The following MICAL1 variants were observed in gnomAD, a reference collection of about 807,000 sequenced individuals.
MICAL1 encodes the protein microtubule associated monooxygenase, calponin and LIM domain containing 1.
In MICAL1, 95 loss-of-function variants were observed where a neutral mutation model predicts 131.8. That is an observed-to-expected ratio of 0.72 (90% CI 0.61 to 0.86). MICAL1 has a LOEUF of 0.86. Among genes scored for constraint, MICAL1 ranks in the 40% least tolerant of loss-of-function variants. The probability of loss-of-function intolerance (pLI) is 0.00; values close to 1 mark genes in which losing one functional copy is unlikely to be tolerated. For missense variants in MICAL1, 1,292 were observed against 1,380.6 expected (o/e 0.94, Z 1.02); for synonymous variants, 546 against 554.2 (o/e 0.99, Z 0.21).
Position 109,445,197 on chromosome 6 carries a change from T to G in MICAL1, c.2881A>C (p.Ser961Arg), listed in dbSNP as rs749494104. ...KLELALRRQS[S>R]SPEQQKKLWV... ...AGGGGTGTCCTAGCTTGTCACTCAC[T>G]GCTCTGGCGCCTCAAGGCCAGCTCC... The change falls in exon 22 of 25, where the codon AGT becomes CGT. Residue 961 changes from serine to arginine, a missense_variant and splice_region_variant. Ser to Arg is a moderately radical substitution (Grantham distance 110). Coordinates refer to ENST00000358807, the MANE Select transcript of MICAL1 (RefSeq NM_022765.4). The G allele has an allele frequency of 1.4e-5, 22 of 1,613,082 alleles. No individual in the cohort carries two copies. The Admixed American group carries it at 3.7e-4, about 27-fold the overall frequency.
rs377004839 is a variant in MICAL1, at chr6:109,448,097, GACACAC to G, written c.1855+100_1855+105del. On this transcript the variant is annotated intron_variant, in intron 13 of 24. Transcript: ENST00000358807. ...CAGAGGGCGCCTTCTTCCTCTTTCT[GACACAC>G]ACACACACACACACCGCCTTCTCCC... 14 of 1,130,194 alleles carry G rather than the reference GACACAC, an allele frequency of 1.2e-5. 1 individual carries two copies. The highest frequency in any genetic ancestry group is 5.0e-5 in the Admixed American group (2 of 40,178). 70.0% of individuals were successfully genotyped at this position (1,130,194 alleles called of 1,614,324 possible). A position where few individuals can be genotyped will look rare whatever the true frequency, so the allele number is the denominator to read the frequency against.
At chr6:109,459,868 G>A (rs886170076), upstream of MICAL1, among the ~76,000 whole-genome samples, 6 of 152,148 alleles carry the variant, frequency 3.9e-5, no homozygotes, top group East Asian at 1.2e-3. Context: ...TTTTAACTCT[G>A]ATTTAGTCTA....
Position 109,447,922 on chromosome 6 carries a change from A to C in MICAL1, c.1897T>G (p.Leu633Val). ...GTCCTCTGAAGTTTACTAAGGAATA[A>C]TACAGCACTGGAGGTCCCTGGGGAG... The part of the protein sequence containing the change: ...QASPGTSSAV[L>V]FLSKLQRTLQ... The change falls in exon 14 of 25, where the codon TTA becomes GTA. Residue 633 changes from leucine (L) to valine (V), a missense_variant. Transcript: ENST00000358807. 6.2e-7 allele frequency: 1 copy of C among 1,613,086 alleles called. No individual in the cohort carries two copies. The highest frequency in any genetic ancestry group is 1.7e-5 in the Admixed American group (1 of 59,928).
chr6:109,455,867 A>C (rs908374145), upstream of MICAL1: 2 of 985,298 alleles, frequency 2.0e-6, no homozygotes, highest in Admixed American at 6.2e-5. This position sits in a 1 kb window ranked among gnomAD's most constrained non-coding sequence, Gnocchi z 4.7. Context: ...GTGCGCCTGG[A>C]GTCGCGCGGA....
At position 109,453,620 on chromosome 6, in the gene MICAL1, C is replaced by A; in HGVS notation, c.466+18G>T. On this transcript the variant is annotated intron_variant, in intron 3 of 24. Coordinates refer to ENST00000358807, the MANE Select transcript of MICAL1 (RefSeq NM_022765.4). ...GCCCAAGCTCACCCGCCCCTCCAGG[C>A]CACCACGTGGTGCTCACTGATGTGG... 6.3e-7 allele frequency: 1 copy of A among 1,575,308 alleles called. No homozygotes were observed. Among genetic ancestry groups the A allele is most frequent in the Non-Finnish European group, 8.6e-7 (1 of 1,160,178 alleles).
At chr6:109,458,782 G>GT (rs1161209532), upstream of MICAL1, among the ~76,000 whole-genome samples, 1 of 152,122 alleles carries the variant, frequency 6.6e-6, no homozygotes, top group African/African-American at 2.4e-5. Flanking sequence ...TAGGTGGCAT[G>GT]TTTAAGTCAC....
rs752133056 is a variant in MICAL1 at position 109,453,258 on chromosome 6, C to T, written c.571+5G>A. 3.1e-6 allele frequency: 5 copies of T among 1,611,550 alleles called. No individual in the cohort carries two copies. The highest frequency in any genetic ancestry group is 2.2e-5 in the South Asian group (2 of 91,040). Reference sequence around the variant, plus strand: ...GGAGATTCCAGGGAGCATAGAAATACTTACCCTTCCTAGGAGGGGGCTGGA... The same window carrying T: ...GGAGATTCCAGGGAGCATAGAAATATTTACCCTTCCTAGGAGGGGGCTGGA... On this transcript the variant is annotated splice_donor_5th_base_variant and intron_variant, in intron 4 of 24. Coordinates refer to ENST00000358807, the MANE Select transcript of MICAL1 (RefSeq NM_022765.4).
Position 109,444,313 on chromosome 6 carries a change from G to A in MICAL1, c.3082C>T (p.Gln1028Ter). The change falls in exon 25 of 25, where the codon CAG becomes TAG. Residue 1028 changes from glutamine to a stop codon, truncating the protein, a stop_gained. Coordinates refer to ENST00000358807, the MANE Select transcript of MICAL1 (RefSeq NM_022765.4). LOFTEE classifies it high-confidence loss of function. ...TTCCTCAGGACCTGGTCCTCAGCCT[G>A]CCGATCAGCAGCTGTCTTTAGGTTT... ...EENLKTAADR[Q>*]AEDQVLRKLV... 6.2e-7 allele frequency: 1 copy of A among 1,613,614 alleles called. No individual in the cohort carries two copies. The highest frequency in any genetic ancestry group is 8.5e-7 in the Non-Finnish European group (1 of 1,180,026).
chr6:109,447,449 G>GT lies in MICAL1; in HGVS notation c.1987-10dup, dbSNP rs762810639. The GT allele has an allele frequency of 3.8e-5, 61 of 1,609,940 alleles. No homozygotes were observed. Among genetic ancestry groups the GT allele is most frequent in the Non-Finnish European group, 4.9e-5 (58 of 1,177,792 alleles). On this transcript the variant is annotated splice_polypyrimidine_tract_variant and intron_variant, in intron 15 of 24. Transcript: ENST00000358807. ...GGGGTCTCGGCCTCCATCTAAGGAGGTAAGTGCTCAGGCAGGGAGGGTAGA... is the reference window on the plus strand; with the variant it reads ...GGGGTCTCGGCCTCCATCTAAGGAGGTTAAGTGCTCAGGCAGGGAGGGTAGA...
intron 1 of MICAL1, among the ~76,000 whole-genome samples, chr6:109,460,792 A>T (rs1254799528): frequency 1.3e-5 from 2 of 152,164 alleles, no homozygotes; most frequent in Non-Finnish European, 1.5e-5. Context: ...TGAAAATGAA[A>T]TTTTACCTTA....
intron 4 of MICAL1, 100 bp from the exon 5 acceptor site, chr6:109,452,715 C>T (rs1292745736): frequency 2.4e-6 from 2 of 843,172 alleles, no homozygotes; most frequent in East Asian, 5.4e-5. Flanking sequence ...GTAAAGGACT[C>T]TCTGGTTTAG....
chr6:109,453,462 C>G, intron 3 of MICAL1, 95 bp from the exon 4 acceptor site: 1 of 1,511,406 alleles, frequency 6.6e-7, no homozygotes, highest in Non-Finnish European at 9.0e-7. Context: ...CTGGAAAAGG[C>G]CTTAGCAATC....
chr6:109,464,265 A>G (rs1379402508), intron 1 of MICAL1: 1 of 152,226 alleles, frequency 6.6e-6, no homozygotes, highest in East Asian at 1.9e-4. Flanking sequence ...AATAAAATAT[A>G]GCTTAGCAAA....
intron 8 of MICAL1, 101 bp from the exon 9 acceptor site, chr6:109,450,186 C>A: frequency 1.3e-6 from 2 of 1,561,006 alleles, no homozygotes; most frequent in Non-Finnish European, 1.7e-6. Flanking sequence ...GCCATCCCCA[C>A]ACCAGGCAGC....
rs1475298136 is a variant in MICAL1, at chr6:109,444,380, C to A, written c.3056-41G>T. On this transcript the variant is annotated intron_variant, in intron 24 of 24. Coordinates refer to ENST00000358807, the MANE Select transcript of MICAL1 (RefSeq NM_022765.4). Reference sequence around the variant, plus strand: ...AAAGCTTAGAGAACAGGGAACTGGGCAGGGAAGCAGGAGGGCCACAACCTA... The same window carrying A: ...AAAGCTTAGAGAACAGGGAACTGGGAAGGGAAGCAGGAGGGCCACAACCTA... 1.9e-6 allele frequency: 3 copies of A among 1,612,402 alleles called. No homozygotes were observed. The African/African-American group carries it at 4.0e-5, about 22-fold the overall frequency.
At chr6:109,455,847 G>A (rs549259426), upstream of MICAL1, 31 of 985,660 alleles carry the variant, frequency 3.1e-5, no homozygotes, top group African/African-American at 4.5e-4. The surrounding 1 kb of genome is among the most constrained non-coding windows in gnomAD (Gnocchi z 4.7). Flanking sequence ...GATGCGGGGC[G>A]GCCCGGGGCG....
upstream of MICAL1, among the ~76,000 whole-genome samples, chr6:109,459,714 C>A (rs570434530): frequency 4.6e-5 from 7 of 152,340 alleles, no homozygotes; most frequent in African/African-American, 1.7e-4. Context: ...GGTTCAGGAT[C>A]AGTTAAATAC....
chr6:109,455,895 G>A (rs1775731671), upstream of MICAL1: 5 of 985,400 alleles, frequency 5.1e-6, no homozygotes, highest in East Asian at 1.1e-4. This position sits in a 1 kb window ranked among gnomAD's most constrained non-coding sequence, Gnocchi z 4.7. Flanking sequence ...CTTCCGCGAG[G>A]GGCGCGGGGC....
Position 109,445,830 on chromosome 6 carries a change from TCTCTTTTTCCTC to T in MICAL1, c.2602_2613del (p.Glu868_Glu871del). On this transcript the variant is annotated inframe_deletion, in exon 20 of 25. Transcript: ENST00000358807. ...TCTTCCTCTTCACTGGAGAAGGGAC[TCTCTTTTTCCTC>T]CTTCTCCATGGCCACAAGAGCTGAG... 6.2e-7 allele frequency: 1 copy of T among 1,610,164 alleles called. No homozygotes were observed. Among genetic ancestry groups the T allele is most frequent in the South Asian group, 1.1e-5 (1 of 90,104 alleles).
Sources: gnomAD v4.1 joint callset for allele counts (sites outside exome capture counted in the v4.1 genomes callset) on GRCh38, gnomAD v4.1.1 for gene constraint, Gnocchi (gnomAD v3.1) non-coding constraint, MANE v1.5 for transcripts, NCBI Gene and HGNC (gene_info 2026-07-23, HGNC 2026-07-21) for gene names.